DAGLA: variants seen among roughly 807,000 people sequenced by gnomAD.
The protein encoded by DAGLA is diacylglycerol lipase-alpha.
In DAGLA, 22 loss-of-function variants were observed where a neutral mutation model predicts 102.6. The ratio of observed to expected loss-of-function variants is 0.21; its 90% CI spans 0.15 to 0.31. The LOEUF (loss-of-function observed/expected upper bound fraction) is 0.31. DAGLA is among the 10% of genes least tolerant of loss of function. The pLI is 1.00. For missense variants in DAGLA, 927 were observed against 1,446.6 expected (o/e 0.64, Z 5.83); for synonymous variants, 578 against 628.9 (o/e 0.92, Z 1.21).
At chr11:61,723,724 C>T (rs2065303510) in intron 5 of DAGLA, 152 bp downstream of exon 5, 2 of 912,948 alleles carry the variant, frequency 2.2e-6, no homozygotes, top group African/African-American at 1.7e-5. Flanking sequence ...TTAACTGCTC[C>T]CTGCCTCAGT....
rs1190934346 is a variant in DAGLA at position 61,722,922 on chromosome 11, C to T, written c.371C>T (p.Thr124Ile). 1 of 1,614,164 alleles carries T rather than the reference C, an allele frequency of 6.2e-7. No individual in the cohort carries two copies. The highest frequency in any genetic ancestry group is 8.5e-7 in the Non-Finnish European group (1 of 1,180,010). Residue 124 changes from threonine to isoleucine, a missense_variant, in exon 4 of 20, where the codon ACC (threonine) becomes ATC (isoleucine). Thr to Ile is a moderately conservative substitution (Grantham distance 89). This residue lies in a region of DAGLA where 231 missense variants were observed against 439.8 expected (regional missense o/e 0.53). Coordinates refer to ENST00000257215, the MANE Select transcript of DAGLA (RefSeq NM_006133.3). ...VGIVWLTQYY[T>I]SCNDLTAKNV... ...ATCGTCTGGCTCACTCAGTACTACA[C>T]CTCCTGCAACGACCTCACTGCCAAG...
chr11:61,743,368 A>G (rs1319012151), intron 19 of DAGLA, among the ~76,000 whole-genome samples, 164 bp from the exon 20 acceptor site: 1 of 151,836 alleles, frequency 6.6e-6, no homozygotes, highest in Non-Finnish European at 1.5e-5. Flanking sequence ...GTCTCAAAAA[A>G]AAAAAAAAAA....
intron 1 of DAGLA, among the ~76,000 whole-genome samples, chr11:61,706,819 G>T (rs1363466797): frequency 1.3e-5 from 2 of 152,224 alleles, no homozygotes; most frequent in Non-Finnish European, 2.9e-5. Context: ...CCAAACCCTG[G>T]AGGAGACGAG....
At chr11:61,703,678 A>AATGGATGG (rs10664991) in intron 1 of DAGLA, among the ~76,000 whole-genome samples, 52,601 of 149,370 alleles carry the variant, frequency 0.35, 10,228 homozygotes, top group South Asian at 0.5. Flanking sequence ...AGGATGGAGG[A>AATGGATGG]ATGGATGGAT....
At chr11:61,700,588 A>C (rs1176726178) in intron 1 of DAGLA, among the ~76,000 whole-genome samples, 3 of 152,166 alleles carry the variant, frequency 2.0e-5, no homozygotes, top group Admixed American at 2.0e-4. Context: ...GGAACAGATT[A>C]GATAATTAGC....
In DAGLA at chr11:61,720,724, G is replaced by T. The variant is rs200113525; in HGVS notation, c.141G>T (p.Pro47=). The part of the protein sequence containing the change: ...SVVLFGLVYN[P]HEACSLNLVD... ...TGCTCTTCGGCCTGGTCTATAACCC[G>T]CACGAGGCCTGCTCCCTGAACCTGG... The change falls in exon 3 of 20, where the codon CCG becomes CCT. Residue 47 remains proline, a synonymous_variant. Transcript: ENST00000257215. The T allele has an allele frequency of 8.7e-6, 14 of 1,613,930 alleles. No homozygotes were observed. The Middle Eastern group carries it at 5.0e-4, about 58-fold the overall frequency.
At chr11:61,709,239 G>A (rs887522264) in intron 1 of DAGLA, among the ~76,000 whole-genome samples, 1 of 152,026 alleles carries the variant, frequency 6.6e-6, no homozygotes, top group Admixed American at 6.5e-5. Flanking sequence ...TTTGTTTTTT[G>A]AGACAGAGTC....
chr11:61,718,288 G>GC (rs140281658), intron 1 of DAGLA, among the ~76,000 whole-genome samples: 3,108 of 152,080 alleles, frequency 0.02, 95 homozygotes, highest in African/African-American at 0.07. Flanking sequence ...GGGGCGTACT[G>GC]CCCCCCCAGC....
In DAGLA at chr11:61,743,937, C is replaced by A; in HGVS notation, c.2577C>A (p.Ala859=). The A allele has an allele frequency of 6.2e-7, 1 of 1,612,066 alleles. No individual in the cohort carries two copies. The highest frequency in any genetic ancestry group is 8.5e-7 in the Non-Finnish European group (1 of 1,179,728). Residue 859 remains alanine, a synonymous_variant, in exon 20 of 20, where the codon GCC becomes GCA. Coordinates refer to ENST00000257215, the MANE Select transcript of DAGLA (RefSeq NM_006133.3). ...AGGACACGCAGCCCCTGGAGGCGGC[C>A]CTGGGCAGTGGCGGCGTCACTCCTG... ...HSQDTQPLEA[A]LGSGGVTPER... is the part of the protein sequence containing the mutation.
chr11:61,720,429 A>T (rs2065272168), intron 2 of DAGLA, among the ~76,000 whole-genome samples, 179 bp downstream of exon 2: 1 of 152,068 alleles, frequency 6.6e-6, no homozygotes, highest in Non-Finnish European at 1.5e-5. Flanking sequence ...CCCTGCTACC[A>T]TTGCTGGACC....
intron 6 of DAGLA, among the ~76,000 whole-genome samples, chr11:61,726,428 A>G (rs2065327744): frequency 6.6e-6 from 1 of 152,242 alleles, no homozygotes; most frequent in Non-Finnish European, 1.5e-5. Flanking sequence ...ATTAATCAAG[A>G]AGGCCTGGCA....
chr11:61,732,352 G>C (rs1452353334), intron 9 of DAGLA, among the ~76,000 whole-genome samples: 1 of 152,178 alleles, frequency 6.6e-6, no homozygotes, highest in Non-Finnish European at 1.5e-5. Flanking sequence ...TGATCAGAGA[G>C]GACTAGAGCA....
intron 10 of DAGLA, 133 bp from the exon 11 acceptor site, chr11:61,735,428 G>C (rs558274731): frequency 5.2e-6 from 4 of 766,946 alleles, no homozygotes; most frequent in African/African-American, 1.7e-5. Flanking sequence ...GAGCCCGTCA[G>C]CCTTTCTGGC....
chr11:61,697,202 A>G (rs72918068), intron 1 of DAGLA, among the ~76,000 whole-genome samples: 4,318 of 152,230 alleles, frequency 0.028, 97 homozygotes, highest in South Asian at 0.044. Flanking sequence ...TGGCTGTGCA[A>G]ATTCCTTTGT....
In DAGLA at chr11:61,723,674, A is replaced by C. The variant is rs927659326; in HGVS notation, c.548+102A>C. 13 of 1,466,926 alleles carry C rather than the reference A, an allele frequency of 8.9e-6. No individual in the cohort carries two copies. In the African/African-American group the frequency reaches 1.5e-4, roughly 17 times the overall value. The allele number at this position is 1,466,926 out of a possible 1,614,324, so 90.9% of individuals were successfully genotyped here. ...GGCTACCCCAGGCCTCCCAGACTGC[A>C]TGCCAACCTCGTGTGAGCCGTGGGC... On this transcript the variant is annotated intron_variant, in intron 5 of 19. Transcript: ENST00000257215.
chr11:61,695,349 G>C (rs1337028289), intron 1 of DAGLA, among the ~76,000 whole-genome samples: 1 of 152,224 alleles, frequency 6.6e-6, no homozygotes, highest in Non-Finnish European at 1.5e-5. Flanking sequence ...TGTGCTCACT[G>C]ACCCGCCCCG....
chr11:61,719,887 G>A (rs1416219712), intron 1 of DAGLA, among the ~76,000 whole-genome samples: 4 of 152,318 alleles, frequency 2.6e-5, no homozygotes, highest in South Asian at 2.1e-4. Flanking sequence ...TACCAGTCTC[G>A]GGGGACAGGA....
intron 1 of DAGLA, among the ~76,000 whole-genome samples, chr11:61,707,366 G>A (rs925586065): frequency 5.9e-5 from 9 of 152,270 alleles, no homozygotes; most frequent in Admixed American, 4.6e-4. Context: ...CAGTGGCCTT[G>A]CTCAGGCATG....
At chr11:61,735,438 C>T (rs740004) in intron 10 of DAGLA, 123 bp from the exon 11 acceptor site, 178,535 of 823,348 alleles carry the variant, frequency 0.22, 20,623 homozygotes, top group South Asian at 0.34. Flanking sequence ...GCCTTTCTGG[C>T]GGCAGAGGCT....
Sources: gnomAD v4.1 joint callset for allele counts (sites outside exome capture counted in the v4.1 genomes callset) on GRCh38, gnomAD v4.1.1 for gene constraint, gnomAD v4.1.1 regional missense constraint, MANE v1.5 for transcripts, NCBI Gene and HGNC (gene_info 2026-07-23, HGNC 2026-07-21) for gene names.